ADGRL4: variants seen among roughly 807,000 people sequenced by gnomAD.
ADGRL4 encodes EGF, latrophilin and seven transmembrane domain containing 1.
In ADGRL4, 90 loss-of-function variants were observed where a neutral mutation model predicts 74.8. That is an observed-to-expected ratio of 1.20 (90% CI 1.02 to 1.43). The LOEUF (loss-of-function observed/expected upper bound fraction) is 1.43. Ranked by LOEUF, ADGRL4 falls within the 40% of genes most tolerant of loss-of-function variation. The pLI, the probability that ADGRL4 is intolerant of heterozygous loss-of-function variation, is 0.00. For missense variants in ADGRL4, 881 were observed against 814.3 expected, an observed-to-expected ratio of 1.08 and a Z score of -1.00; for synonymous variants, 311 against 279.2, an observed-to-expected ratio of 1.11 and a Z score of -1.14.
At chr1:78,895,239 C>T (rs17102369) in intron 12 of ADGRL4, among the ~76,000 whole-genome samples, 18,274 of 151,940 alleles carry the variant, frequency 0.12, 1,483 homozygotes, top group East Asian at 0.25. Context: ...ATTATATTAT[C>T]CACATTCATT....
At position 78,995,317 on chromosome 1, in the gene ADGRL4, G is replaced by A. The variant is rs189006393; in HGVS notation, c.172+9753C>T. Among the ~76,000 whole-genome samples the A allele has an allele frequency of 2.9e-4, 44 of 152,296 alleles. No individual in the cohort carries two copies. In the East Asian group the frequency reaches 4.8e-3, roughly 17 times the overall value. On this transcript the variant is annotated intron_variant, in intron 2 of 14. Transcript: ENST00000370742. Reference sequence around the variant, plus strand: ...ATTGATCCAGAAATTCCTTCTGAGGGAGGAAACCACCAGAGAAAATATGGA... The same window carrying A: ...ATTGATCCAGAAATTCCTTCTGAGGAAGGAAACCACCAGAGAAAATATGGA...
At chr1:78,989,213 T>C (rs1650556268) in intron 2 of ADGRL4, among the ~76,000 whole-genome samples, 2 of 151,820 alleles carry the variant, frequency 1.3e-5, no homozygotes, top group Admixed American at 1.3e-4. Context: ...CAAGAATTTA[T>C]ACTTTTAAAA....
chr1:78,919,999 A>G (rs1454194410), intron 10 of ADGRL4, among the ~76,000 whole-genome samples, 184 bp downstream of exon 10: 1 of 151,976 alleles, frequency 6.6e-6, no homozygotes, highest in African/African-American at 2.4e-5. Flanking sequence ...TGCTGAATGG[A>G]CTTGATAAGT....
Position 78,938,151 on chromosome 1 carries a change from G to A in ADGRL4, c.525C>T (p.Tyr175=). Residue 175 remains tyrosine (Y), a synonymous_variant, in exon 5 of 15, where the codon TAC becomes TAT. Transcript: ENST00000370742. ...CCTTGGCTGAGATAGTGTTGTTCTT[G>A]TAACCTAGTAATGAAGATGATTCAG... is the stretch of plus-strand genomic sequence containing the variant. ...ILAESSSLLG[Y]KNNTISAKDT... is the part of the protein sequence containing the mutation. 1.2e-6 allele frequency: 2 copies of A among 1,613,002 alleles called. No homozygotes were observed. Among genetic ancestry groups the A allele is most frequent in the Non-Finnish European group, 1.7e-6 (2 of 1,179,608 alleles).
intron 2 of ADGRL4, among the ~76,000 whole-genome samples, chr1:78,963,566 G>A (rs997433338): frequency 2.6e-5 from 4 of 152,094 alleles, no homozygotes; most frequent in Non-Finnish European, 4.4e-5. Context: ...TTGAATTCTT[G>A]TTTTATACCC....
chr1:78,974,636 G>A (rs1386291442), intron 2 of ADGRL4, among the ~76,000 whole-genome samples: 1 of 152,102 alleles, frequency 6.6e-6, no homozygotes, highest in Non-Finnish European at 1.5e-5. Flanking sequence ...TGTGTCAGCT[G>A]GGTTGACCTC....
chr1:78,937,281 C>T (rs1649375358), intron 6 of ADGRL4, among the ~76,000 whole-genome samples: 2 of 152,082 alleles, frequency 1.3e-5, no homozygotes, highest in African/African-American at 4.8e-5. Flanking sequence ...CCCATCTCTA[C>T]CAAAAGAACA....
At position 78,926,970 on chromosome 1, in the gene ADGRL4, A is replaced by C; in HGVS notation, c.999T>G (p.Ser333=). ...DNSEEEERVI[S]SVISVSMSSN... The stretch of plus-strand genomic sequence containing the variant: ...AGCTCATTGAGACTGAAATTACTGA[A>C]GATATGACTCTTTCCTCCTCTTCAG... Residue 333 remains serine, a synonymous_variant, in exon 8 of 15, where the codon TCT becomes TCG. Transcript: ENST00000370742. The C allele has an allele frequency of 6.2e-7, 1 of 1,612,208 alleles. No homozygotes were observed. The highest frequency in any genetic ancestry group is 8.5e-7 in the Non-Finnish European group (1 of 1,178,812).
chr1:78,920,056 GAAGAACA>G, intron 10 of ADGRL4, 120 bp downstream of exon 10: 1 of 704,514 alleles, frequency 1.4e-6, no homozygotes, highest in Non-Finnish European at 2.2e-6. Flanking sequence ...AAGGATAGCT[GAAGAACA>G]AATTATAGAG....
At chr1:78,999,285 T>TC (rs1288551166) in intron 2 of ADGRL4, among the ~76,000 whole-genome samples, 1 of 152,178 alleles carries the variant, frequency 6.6e-6, no homozygotes, top group African/African-American at 2.4e-5. Context: ...AAATTTGGAC[T>TC]CAGTGATTTT....
At chr1:78,940,199 C>T (rs1354562554) in intron 3 of ADGRL4, among the ~76,000 whole-genome samples, 4 of 152,116 alleles carry the variant, frequency 2.6e-5, no homozygotes, top group African/African-American at 9.7e-5. Flanking sequence ...TCAGTGTAAT[C>T]TGGAGGATAA....
At chr1:78,943,034 T>C (rs1906832) in intron 3 of ADGRL4, among the ~76,000 whole-genome samples, 11,394 of 152,208 alleles carry the variant, frequency 0.075, 643 homozygotes, top group East Asian at 0.33. Context: ...CAAAACATGA[T>C]CATATGATGG....
intron 2 of ADGRL4, among the ~76,000 whole-genome samples, chr1:78,947,482 C>T (rs756895682): frequency 2.9e-4 from 44 of 152,122 alleles, no homozygotes; most frequent in Admixed American, 1.1e-3. Flanking sequence ...CTTCCCTAGA[C>T]GTTTTCACGT....
At chr1:78,933,049 G>T (rs544198590) in intron 7 of ADGRL4, among the ~76,000 whole-genome samples, 1 of 151,296 alleles carries the variant, frequency 6.6e-6, no homozygotes, top group Non-Finnish European at 1.5e-5. Context: ...AAAAATTGAG[G>T]AGGAGGGAAT....
chr1:78,982,020 T>C (rs1650405348), intron 2 of ADGRL4, among the ~76,000 whole-genome samples: 1 of 151,868 alleles, frequency 6.6e-6, no homozygotes, highest in Admixed American at 6.6e-5. Context: ...TCTTCTAAAA[T>C]ACATGTTGGT....
At position 78,936,344 on chromosome 1, in the gene ADGRL4, T is replaced by A. The variant is rs767542418; in HGVS notation, c.828A>T (p.Gly276=). Residue 276 remains glycine, a synonymous_variant, in exon 7 of 15, where the codon GGA becomes GGT. Coordinates refer to ENST00000370742, the MANE Select transcript of ADGRL4 (RefSeq NM_022159.4). ...KHIHPHMNMD[G]DYINIFPKRK... is the part of the protein sequence containing the mutation. ...TCTTTGGAAATATATTTATGTAGTC[T>A]CCATCCATATTCATATGAGGATGAA... The A allele has an allele frequency of 6.3e-7, 1 of 1,594,440 alleles. No homozygotes were observed. Among genetic ancestry groups the A allele is most frequent in the South Asian group, 1.1e-5 (1 of 87,366 alleles).
intron 2 of ADGRL4, among the ~76,000 whole-genome samples, chr1:78,964,387 G>T (rs936779028): frequency 1.3e-5 from 2 of 152,078 alleles, no homozygotes. Context: ...GACACTATTT[G>T]TGATCAAAGT....
intron 12 of ADGRL4, among the ~76,000 whole-genome samples, chr1:78,896,684 A>C (rs1648406963): frequency 6.6e-6 from 1 of 152,076 alleles, no homozygotes. Context: ...ATCTTCCTAT[A>C]ATCTATCTCA....
chr1:78,932,810 A>T (rs116684406), intron 7 of ADGRL4, among the ~76,000 whole-genome samples: 1 of 151,408 alleles, frequency 6.6e-6, no homozygotes, highest in African/African-American at 2.5e-5. Flanking sequence ...ATGCAAAAAA[A>T]CTAGAATATC....
Sources: gnomAD v4.1 joint callset for allele counts (sites outside exome capture counted in the v4.1 genomes callset) on GRCh38, gnomAD v4.1.1 for gene constraint, MANE v1.5 for transcripts, NCBI Gene and HGNC (gene_info 2026-07-23, HGNC 2026-07-21) for gene names.